PHF14: variants seen among roughly 807,000 people sequenced by gnomAD.
PHF14 encodes the protein PHD finger protein 14.
Under a neutral mutation model 117.9 loss-of-function variants are expected in PHF14, and 55 were observed. The ratio of observed to expected loss-of-function variants is 0.47; its 90% confidence interval spans 0.38 to 0.58. PHF14 has a LOEUF of 0.58. Ranked by LOEUF, PHF14 falls within the 20% of genes least tolerant of loss-of-function variation. The pLI, the probability that PHF14 is intolerant of heterozygous loss-of-function variation, is 0.00. For synonymous variants in PHF14, 409 were observed against 368.6 expected (o/e 1.11, Z -1.26); for missense variants, 978 against 1,122.2 (o/e 0.87, Z 1.84).
chr7:10,992,702 A>G (rs1393404259), intron 4 of PHF14, among the ~76,000 whole-genome samples: 4 of 152,098 alleles, frequency 2.6e-5, no homozygotes. Context: ...TCTCTTACAT[A>G]ACCACATAAT....
intron 17 of PHF14, among the ~76,000 whole-genome samples, chr7:11,119,902 T>C (rs1297968938): frequency 6.6e-6 from 1 of 151,920 alleles, no homozygotes; most frequent in Non-Finnish European, 1.5e-5. Context: ...ATGGAATCTT[T>C]CCTAGGTGTG....
chr7:10,999,626 C>T (rs1188754432), intron 4 of PHF14, among the ~76,000 whole-genome samples: 1 of 152,150 alleles, frequency 6.6e-6, no homozygotes, highest in Non-Finnish European at 1.5e-5. Context: ...TCTGTAAGGG[C>T]ACAACATTAG....
intron 3 of PHF14, among the ~76,000 whole-genome samples, chr7:10,986,280 A>G (rs538671233): frequency 4.6e-5 from 7 of 151,830 alleles, no homozygotes; most frequent in Non-Finnish European, 8.8e-5. Context: ...CACCACACAT[A>G]GCCCCTTTAC....
rs1222823638 is a variant in PHF14 at position 11,130,702 on chromosome 7, A to G, written c.2772+19235A>G. On this transcript the variant is annotated intron_variant, in intron 17 of 17. Coordinates refer to ENST00000634607, the MANE Select transcript of PHF14 (RefSeq NM_001007157.2). This position sits in a 1 kb window ranked among gnomAD's most constrained non-coding sequence, Gnocchi z 4.2. ...TTAACTAAAGTTTGTTGTTTACATT[A>G]TAACTTATTTTTTGTGTGGTACATT... 1.3e-5 allele frequency among the ~76,000 whole-genome samples: 2 copies of G among 151,930 alleles called. No homozygotes were observed. The highest frequency in any genetic ancestry group is 1.5e-5 in the Non-Finnish European group (1 of 67,926).
chr7:10,993,856 A>C (rs1409941864), intron 4 of PHF14, among the ~76,000 whole-genome samples: 16 of 152,198 alleles, frequency 1.1e-4, no homozygotes, highest in Admixed American at 5.2e-4. Context: ...TAAAAGTACA[A>C]AAATTAATCC....
chr7:11,000,710 T>G (rs1583348225), intron 4 of PHF14, among the ~76,000 whole-genome samples: 1 of 152,268 alleles, frequency 6.6e-6, no homozygotes, highest in South Asian at 2.1e-4. Context: ...AAAAATTGGT[T>G]TGTTTTCTTA....
Position 11,105,793 on chromosome 7 carries a change from T to C in PHF14, c.2655-5557T>C. The C allele has an allele frequency of 4.1e-6, 4 of 984,686 alleles. 1 individual carries two copies. The South Asian group carries it at 1.9e-4, about 46-fold the overall frequency. 61.0% of individuals were successfully genotyped at this position (984,686 alleles called of 1,614,324 possible). ...TTCACTGCTGTTCAGGTACATAAGA[T>C]GTAATGTAATTGGATGCACATGCTG... On this transcript the variant is annotated intron_variant, in intron 16 of 17. Coordinates refer to ENST00000634607, the MANE Select transcript of PHF14 (RefSeq NM_001007157.2).
chr7:11,081,113 A>G (rs990435295), intron 16 of PHF14, among the ~76,000 whole-genome samples: 1 of 152,204 alleles, frequency 6.6e-6, no homozygotes, highest in Non-Finnish European at 1.5e-5. Flanking sequence ...GTATATAAAT[A>G]TATGTATGAA....
At chr7:11,001,550 GTTC>G (rs1335445091) in intron 4 of PHF14, among the ~76,000 whole-genome samples, 1 of 152,018 alleles carries the variant, frequency 6.6e-6, no homozygotes, top group African/African-American at 2.4e-5. Flanking sequence ...TATTTATTTA[GTTC>G]TTTGATTTCT....
chr7:11,117,872 TAAA>T (rs1270306265), intron 17 of PHF14, among the ~76,000 whole-genome samples: 1 of 151,842 alleles, frequency 6.6e-6, no homozygotes, highest in African/African-American at 2.4e-5. Flanking sequence ...AACTGACGCA[TAAA>T]AAAGAGACTT....
chr7:11,140,938 TTTA>T (rs1429143225), intron 17 of PHF14, among the ~76,000 whole-genome samples: 1 of 152,140 alleles, frequency 6.6e-6, no homozygotes, highest in Admixed American at 6.5e-5. Flanking sequence ...GTTTGTTACA[TTTA>T]TTATGTTTTA....
intron 17 of PHF14, among the ~76,000 whole-genome samples, chr7:11,164,619 T>G (rs1198588612): frequency 6.6e-6 from 1 of 152,234 alleles, no homozygotes; most frequent in Non-Finnish European, 1.5e-5. Flanking sequence ...TTCTGTTTCT[T>G]TAATCATTTT....
intron 16 of PHF14, among the ~76,000 whole-genome samples, chr7:11,076,434 T>A (rs1306412057): frequency 2.6e-5 from 4 of 152,144 alleles, no homozygotes; most frequent in South Asian, 4.1e-4. Context: ...ATTATTTTTT[T>A]AAAATGTACT....
At chr7:11,098,875 G>C (rs995285676) in intron 16 of PHF14, among the ~76,000 whole-genome samples, 6 of 152,166 alleles carry the variant, frequency 3.9e-5, no homozygotes, top group Non-Finnish European at 4.4e-5. Context: ...ATAAAAAGCA[G>C]TGATCAGTGA....
intron 3 of PHF14, among the ~76,000 whole-genome samples, chr7:10,984,606 T>C (rs978408608): frequency 2.6e-5 from 4 of 152,176 alleles, no homozygotes; most frequent in Non-Finnish European, 4.4e-5. Context: ...CTTTCTTCAT[T>C]TTTATTAGGT....
At chr7:11,005,717 T>C (rs1227910675) in intron 4 of PHF14, among the ~76,000 whole-genome samples, 1 of 151,812 alleles carries the variant, frequency 6.6e-6, no homozygotes, top group Non-Finnish European at 1.5e-5. Flanking sequence ...TTATATATAG[T>C]GCTGACAAAC....
chr7:11,018,394 T>C (rs1375210740), intron 5 of PHF14, among the ~76,000 whole-genome samples: 1 of 152,196 alleles, frequency 6.6e-6, no homozygotes, highest in Non-Finnish European at 1.5e-5. Context: ...GGAATATTTT[T>C]CCATTTTTTG....
At chr7:10,994,726 C>G (rs544079134) in intron 4 of PHF14, among the ~76,000 whole-genome samples, 6 of 151,936 alleles carry the variant, frequency 3.9e-5, no homozygotes, top group Non-Finnish European at 8.8e-5. Flanking sequence ...TTCTGATGTT[C>G]GGATGTGTTC....
rs976092000 is a variant in PHF14 at position 11,157,192 on chromosome 7, A to G, written c.2773-12224A>G. Among the ~76,000 whole-genome samples, 5 of 152,196 alleles carry G rather than the reference A, an allele frequency of 3.3e-5. No individual in the cohort carries two copies. In the South Asian group the frequency reaches 8.3e-4, roughly 25 times the overall value. On this transcript the variant is annotated intron_variant, in intron 17 of 17. Transcript: ENST00000634607. ...TATTTTCTGCAACACCTTGCTTAGTATCTGGCACACAATCATTGTTCAATA... is the reference window on the plus strand; with the variant it reads ...TATTTTCTGCAACACCTTGCTTAGTGTCTGGCACACAATCATTGTTCAATA...
Sources: allele counts gnomAD v4.1 joint callset (sites outside exome capture counted in the v4.1 genomes callset), GRCh38; gene constraint gnomAD v4.1.1; non-coding constraint Gnocchi (gnomAD v3.1); transcripts MANE v1.5; gene names NCBI Gene and HGNC (gene_info 2026-07-23, HGNC 2026-07-21).